The following DNAH6 variants were observed in gnomAD, a reference collection of about 807,000 sequenced individuals.
DNAH6 encodes the protein dynein axonemal heavy chain 6.
In DNAH6, 340 loss-of-function variants were observed where a neutral mutation model predicts 491.4. The ratio of observed to expected loss-of-function variants is 0.69; its 90% CI spans 0.63 to 0.76. The LOEUF (loss-of-function observed/expected upper bound fraction) is 0.76, where lower values mean the gene tolerates loss of function less well. Among genes scored for constraint, DNAH6 ranks in the 30% least tolerant of loss-of-function variants. The pLI is 0.00. For missense variants in DNAH6, 4,443 were observed against 4,972.2 expected (o/e 0.89, Z 3.20); for synonymous variants, 1,603 against 1,686.1 (o/e 0.95, Z 1.21).
At chr2:84,652,293 A>T (rs191787215) in intron 33 of DNAH6, among the ~76,000 whole-genome samples, 145 of 152,146 alleles carry the variant, frequency 9.5e-4, no homozygotes, top group African/African-American at 3.3e-3. Context: ...AAGTGTTTTA[A>T]AGAGAGGCCA....
intron 63 of DNAH6, chr2:84,751,225 G>A (rs940399301): frequency 6.6e-6 from 1 of 152,210 alleles, no homozygotes; most frequent in Non-Finnish European, 1.5e-5. Flanking sequence ...TCCCTGACTA[G>A]AGAAAAAGAG....
chr2:84,683,265 T>G (rs1007454835), intron 42 of DNAH6, among the ~76,000 whole-genome samples: 4 of 152,128 alleles, frequency 2.6e-5, no homozygotes, highest in African/African-American at 4.8e-5. Flanking sequence ...CAGTGCCTAA[T>G]CGGGCCTGGC....
chr2:84,574,715 T>C (rs556047898), intron 12 of DNAH6, among the ~76,000 whole-genome samples: 12 of 152,324 alleles, frequency 7.9e-5, no homozygotes, highest in African/African-American at 2.9e-4. Flanking sequence ...CGTGAGGACA[T>C]GATGCCTCCT....
intron 45 of DNAH6, among the ~76,000 whole-genome samples, chr2:84,689,926 A>G (rs1694678731): frequency 6.6e-6 from 1 of 152,192 alleles, no homozygotes; most frequent in Non-Finnish European, 1.5e-5. Flanking sequence ...TTTGAAGATC[A>G]TTCCCATATT....
At chr2:84,673,759 A>G (rs937413118) in intron 40 of DNAH6, among the ~76,000 whole-genome samples, 1 of 152,172 alleles carries the variant, frequency 6.6e-6, no homozygotes, top group Non-Finnish European at 1.5e-5. Flanking sequence ...CTCTTTTCAC[A>G]CTTTTCTGCC....
At chr2:84,493,999 T>C in the DNAH6 span, among the ~76,000 whole-genome samples, 1 of 152,256 alleles carries the variant, frequency 6.6e-6, no homozygotes, top group African/African-American at 2.4e-5. Context: ...TGGTTGTCAT[T>C]AGTTTGAGTT....
At chr2:84,707,768 G>A in intron 54 of DNAH6, 52 bp downstream of exon 54, 1 of 1,421,666 alleles carries the variant, frequency 7.0e-7, no homozygotes, top group East Asian at 2.5e-5. Flanking sequence ...TGAAACTGGA[G>A]CCAGGGGTGG....
At chr2:84,490,475 T>C in the DNAH6 span, among the ~76,000 whole-genome samples, 1 of 152,182 alleles carries the variant, frequency 6.6e-6, no homozygotes, top group Non-Finnish European at 1.5e-5. Context: ...CAACCCCTCC[T>C]CTTACCTCCA....
chr2:84,714,368 T>C (rs919891418), intron 57 of DNAH6, among the ~76,000 whole-genome samples: 5 of 151,850 alleles, frequency 3.3e-5, no homozygotes, highest in Non-Finnish European at 5.9e-5. Context: ...CCTCGAGGAG[T>C]TTAATTACAC....
At chr2:84,697,947 C>T (rs1245755660) in intron 47 of DNAH6, 2 of 548,034 alleles carry the variant, frequency 3.6e-6, no homozygotes, top group African/African-American at 3.8e-5. Context: ...AATCCCATTG[C>T]CCCACAGAGG....
intron 16 of DNAH6, among the ~76,000 whole-genome samples, chr2:84,593,720 T>C (rs1003984134): frequency 2.6e-5 from 4 of 152,186 alleles, no homozygotes; most frequent in African/African-American, 9.6e-5. Context: ...CTTTGGAGAA[T>C]ATTTAAGTTC....
intron 59 of DNAH6, among the ~76,000 whole-genome samples, chr2:84,719,331 GT>G (rs1697860144): frequency 6.6e-6 from 1 of 151,902 alleles, no homozygotes; most frequent in Non-Finnish European, 1.5e-5. Flanking sequence ...TGGCGGTTGT[GT>G]GTTAACCCAC....
chr2:84,654,888 G>A, intron 35 of DNAH6, 106 bp downstream of exon 35: 1 of 1,268,526 alleles, frequency 7.9e-7, no homozygotes, highest in Non-Finnish European at 1.1e-6. Context: ...TTGATTGAGG[G>A]GACTTCATTA....
intron 59 of DNAH6, among the ~76,000 whole-genome samples, chr2:84,719,697 T>TA (rs1247421812): frequency 6.6e-6 from 1 of 151,856 alleles, no homozygotes; most frequent in African/African-American, 2.4e-5. Flanking sequence ...TTTTTTTTTT[T>TA]ATTTTTTGTA....
At chr2:84,516,884 C>T (rs1336902036) in intron 1 of DNAH6, among the ~76,000 whole-genome samples, 2 of 152,164 alleles carry the variant, frequency 1.3e-5, no homozygotes, top group African/African-American at 2.4e-5. Context: ...GTAAAAAGCA[C>T]ACTGGATTTT....
rs1690226264 is a variant in DNAH6, at chr2:84,649,617, C to T, written c.5079-3702C>T. Among the ~76,000 whole-genome samples the T allele has an allele frequency of 2.0e-5, 3 of 152,028 alleles. No individual in the cohort carries two copies. The South Asian group carries it at 6.2e-4, about 32-fold the overall frequency. ...TGTACCATATACTTCCCAGGTACAC[C>T]ATGAAATTCTGTGCAGCCATAAAAA... On this transcript the variant is annotated intron_variant, in intron 33 of 76. Coordinates refer to ENST00000389394, the MANE Select transcript of DNAH6 (RefSeq NM_001370.2).
At position 84,672,401 on chromosome 2, in the gene DNAH6, C is replaced by T. The variant is rs759613073; in HGVS notation, c.6529C>T (p.Gln2177Ter). Residue 2177 changes from glutamine to a stop codon, truncating the protein, a stop_gained, in exon 40 of 77, where the codon CAG becomes TAG. Coordinates refer to ENST00000389394, the MANE Select transcript of DNAH6 (RefSeq NM_001370.2). LOFTEE classifies it high-confidence loss of function. ...GCCCAGACTGGATCGCTATGGCTCT[C>T]AGCCTCCGATTGAATTACTTCGGCA... ...NMPRLDRYGS[Q>*]PPIELLRQYQ... 6.4e-7 allele frequency: 1 copy of T among 1,551,682 alleles called. No homozygotes were observed. The highest frequency in any genetic ancestry group is 2.0e-5 in the Admixed American group (1 of 50,996).
At chr2:84,552,066 AAG>A (rs1162906097) in intron 9 of DNAH6, among the ~76,000 whole-genome samples, 10 of 151,940 alleles carry the variant, frequency 6.6e-5, no homozygotes, top group African/African-American at 2.4e-4. Context: ...AAAAAAAAAA[AAG>A]AATGCTCAAA....
At chr2:84,521,687 A>G (rs1676159375) in intron 2 of DNAH6, among the ~76,000 whole-genome samples, 1 of 152,206 alleles carries the variant, frequency 6.6e-6, no homozygotes, top group Non-Finnish European at 1.5e-5. Flanking sequence ...AATCTTCTGC[A>G]TATGGGTAGC....
Sources: allele counts gnomAD v4.1 joint callset (sites outside exome capture counted in the v4.1 genomes callset), GRCh38; gene constraint gnomAD v4.1.1; transcripts MANE v1.5; gene names NCBI Gene and HGNC (gene_info 2026-07-23, HGNC 2026-07-21).